The following SPATS2L variants were observed in gnomAD, a reference collection of about 807,000 sequenced individuals.
SPATS2L encodes the protein spermatogenesis associated serine rich 2 like.
A neutral mutation model predicts 59.6 loss-of-function variants in SPATS2L; 30 were observed. The ratio of observed to expected loss-of-function variants is 0.50; its 90% confidence interval spans 0.38 to 0.68. The LOEUF (loss-of-function observed/expected upper bound fraction) is 0.68. SPATS2L is among the 30% of genes least tolerant of loss of function. The pLI, the probability that SPATS2L is intolerant of heterozygous loss-of-function variation, is 0.00. For missense variants in SPATS2L, 615 were observed against 700.0 expected (o/e 0.88, Z 1.37); for synonymous variants, 252 against 263.5 (o/e 0.96, Z 0.42).
intron 12 of SPATS2L, among the ~76,000 whole-genome samples, chr2:200,476,612 C>A (rs2087537742): frequency 6.6e-6 from 1 of 152,178 alleles, no homozygotes; most frequent in Admixed American, 6.5e-5. Context: ...GCACTTTTGG[C>A]CACCGGCAGG....
intron 9 of SPATS2L, among the ~76,000 whole-genome samples, chr2:200,466,447 G>T (rs1019033566): frequency 6.6e-6 from 1 of 152,166 alleles, no homozygotes; most frequent in African/African-American, 2.4e-5. Flanking sequence ...GCTACTGAGC[G>T]CCATAATCTT....
rs1028989249 is a variant in SPATS2L, at chr2:200,440,533, A to G, written c.653-116A>G. On this transcript the variant is annotated intron_variant, in intron 7 of 12. Transcript: ENST00000409140. The stretch of plus-strand genomic sequence containing the variant: ...CAAACATTCTCCTGATGGAACTTTT[A>G]CTAGACAAAAGATGAGTCCCTTTTT... The G allele has an allele frequency of 8.7e-5, 87 of 1,003,614 alleles. No homozygotes were observed. The African/African-American group carries it at 1.3e-3, about 15-fold the overall frequency. The allele number at this position is 1,003,614 out of a possible 1,614,324, so 62.2% of individuals were successfully genotyped here. A position where few individuals can be genotyped will look rare whatever the true frequency, so the allele number is the denominator to read the frequency against.
intron 2 of SPATS2L, among the ~76,000 whole-genome samples, chr2:200,338,871 A>G (rs779680920): frequency 1.3e-5 from 2 of 152,212 alleles, no homozygotes; most frequent in Admixed American, 6.5e-5. Flanking sequence ...AAACCAGATG[A>G]CCAAAAGAGG....
intron 2 of SPATS2L, among the ~76,000 whole-genome samples, chr2:200,372,703 A>G (rs1399324490): frequency 4.6e-5 from 7 of 152,210 alleles, no homozygotes. Flanking sequence ...GACTAGTGGA[A>G]TGAGGACCAG....
chr2:200,456,534 G>A (rs73059856), intron 8 of SPATS2L, among the ~76,000 whole-genome samples: 1,827 of 152,270 alleles, frequency 0.012, 39 homozygotes, highest in African/African-American at 0.04. Flanking sequence ...GACAAGTATT[G>A]TACCCCAAAT....
chr2:200,333,780 G>A (rs1047019531), intron 2 of SPATS2L, among the ~76,000 whole-genome samples: 62 of 151,946 alleles, frequency 4.1e-4, no homozygotes, highest in African/African-American at 1.3e-3. Flanking sequence ...GCGATAGTTT[G>A]CTGAGAATGA....
At chr2:200,356,289 G>A (rs773262165) in intron 2 of SPATS2L, among the ~76,000 whole-genome samples, 7 of 152,130 alleles carry the variant, frequency 4.6e-5, no homozygotes, top group Non-Finnish European at 7.4e-5. Context: ...ACATTATACA[G>A]GTCTGTTTAT....
intron 1 of SPATS2L, among the ~76,000 whole-genome samples, chr2:200,317,272 A>G (rs1375455158): frequency 2.0e-5 from 3 of 152,250 alleles, no homozygotes; most frequent in Admixed American, 6.5e-5. Context: ...ATTGCTGGCT[A>G]TATGAATTTG....
chr2:200,410,051 T>C (rs2082821837), intron 3 of SPATS2L, among the ~76,000 whole-genome samples: 1 of 152,116 alleles, frequency 6.6e-6, no homozygotes, highest in South Asian at 2.1e-4. Flanking sequence ...TTCACACAGC[T>C]GTGTAGGTGG....
intron 6 of SPATS2L, among the ~76,000 whole-genome samples, chr2:200,422,345 T>C (rs1404756354): frequency 6.6e-6 from 1 of 152,126 alleles, no homozygotes; most frequent in Non-Finnish European, 1.5e-5. Context: ...AAGACCAGCC[T>C]GGGCAACATG....
rs75604148 is a variant in SPATS2L at position 200,354,120 on chromosome 2, G to T, written c.-23+24640G>T. ...GTAATTTTAACAATGTGAATCATTAGCTCAGACCCTGTCATTTATCCCAAA... is the reference window on the plus strand; with the variant it reads ...GTAATTTTAACAATGTGAATCATTATCTCAGACCCTGTCATTTATCCCAAA... On this transcript the variant is annotated intron_variant, in intron 2 of 12. Coordinates refer to ENST00000409140, the MANE Select transcript of SPATS2L (RefSeq NM_001100423.2). 7.2e-3 allele frequency among the ~76,000 whole-genome samples: 1,094 copies of T among 152,300 alleles called. 14 individuals carry two copies. Among genetic ancestry groups the T allele is most frequent in the Middle Eastern group, 6.8e-3 (2 of 294 alleles).
At chr2:200,421,172 A>G (rs140197801) in intron 6 of SPATS2L, among the ~76,000 whole-genome samples, 236 of 152,298 alleles carry the variant, frequency 1.5e-3, no homozygotes, top group African/African-American at 5.4e-3. Flanking sequence ...AGAGAAGGCT[A>G]TAGGTTCACT....
chr2:200,376,764 C>G (rs2081614053), intron 2 of SPATS2L, among the ~76,000 whole-genome samples: 1 of 152,380 alleles, frequency 6.6e-6, no homozygotes, highest in Admixed American at 6.5e-5. Flanking sequence ...TGGACACAGA[C>G]AGAGCCCTGA....
intron 6 of SPATS2L, among the ~76,000 whole-genome samples, chr2:200,431,517 G>T (rs1441677854): frequency 6.6e-6 from 1 of 152,152 alleles, no homozygotes. Flanking sequence ...AAGATCAGAT[G>T]ATGTGCTTTG....
chr2:200,330,030 C>G (rs1198920503), intron 2 of SPATS2L, among the ~76,000 whole-genome samples: 3 of 152,180 alleles, frequency 2.0e-5, no homozygotes, highest in Non-Finnish European at 2.9e-5. Flanking sequence ...CAGCCTGGCT[C>G]TGCATCCTGC....
intron 3 of SPATS2L, among the ~76,000 whole-genome samples, chr2:200,396,841 T>G (rs1284791107): frequency 6.6e-6 from 1 of 152,300 alleles, no homozygotes; most frequent in South Asian, 2.1e-4. Flanking sequence ...GCTTTCAGAT[T>G]TCACCATGAA....
chr2:200,482,131 T>C lies in SPATS2L; in HGVS notation c.*4100T>C, dbSNP rs1429697691. The C allele has an allele frequency of 6.6e-6, 1 of 152,188 alleles. No homozygotes were observed. Among genetic ancestry groups the C allele is most frequent in the Non-Finnish European group, 1.5e-5 (1 of 68,044 alleles). The allele number at this position is 152,188 out of a possible 1,614,324, so 9.4% of individuals were successfully genotyped here. A position where few individuals can be genotyped will look rare whatever the true frequency, so the allele number is the denominator to read the frequency against. On this transcript the variant is annotated 3_prime_UTR_variant, in exon 13 of 13. Transcript: ENST00000409140. ...TTGCTCTGATTTTGTGAGAAAATTA[T>C]GAAGAGTTGCAAAGTCCCAGTGATT...
At chr2:200,385,526 G>A (rs56361288) in intron 2 of SPATS2L, among the ~76,000 whole-genome samples, 141 of 152,208 alleles carry the variant, frequency 9.3e-4, no homozygotes, top group Non-Finnish European at 1.7e-3. Context: ...TTATGCAGGG[G>A]CAAGGTGGGC....
rs2082093739 is a variant in SPATS2L, at chr2:200,389,206, GTT to G, written c.-22-14_-22-13del. The G allele has an allele frequency of 4.0e-6, 6 of 1,518,470 alleles. No homozygotes were observed. The highest frequency in any genetic ancestry group is 5.4e-6 in the Non-Finnish European group (6 of 1,116,066). The allele number at this position is 1,518,470 out of a possible 1,614,324, so 94.1% of individuals were successfully genotyped here. ...GAAATCAATTTTAAAACTTAATCTT[GTT>G]TTCCTTCTTTATAGGGCCTATTCCA... On this transcript the variant is annotated splice_polypyrimidine_tract_variant and intron_variant, in intron 2 of 12. Transcript: ENST00000409140.
Sources: gnomAD v4.1 joint callset for allele counts (sites outside exome capture counted in the v4.1 genomes callset) on GRCh38, gnomAD v4.1.1 for gene constraint, MANE v1.5 for transcripts, NCBI Gene and HGNC (gene_info 2026-07-23, HGNC 2026-07-21) for gene names.